The following ZBBX variants were observed in gnomAD, a reference collection of about 807,000 sequenced individuals.
ZBBX encodes the protein zinc finger B-box domain-containing protein 1.
Under a neutral mutation model 108.5 loss-of-function variants are expected in ZBBX, and 101 were observed. The ratio of observed to expected loss-of-function variants is 0.93; its 90% CI spans 0.79 to 1.10. ZBBX has a LOEUF of 1.10. Ranked by LOEUF, ZBBX falls within the 50% of genes least tolerant of loss-of-function variation. ZBBX has a pLI of 0.00. For synonymous variants in ZBBX, 356 were observed against 323.4 expected, an observed-to-expected ratio of 1.10 and a Z score of -1.08; for missense variants, 1,009 against 941.4, an observed-to-expected ratio of 1.07 and a Z score of -0.94.
Position 167,289,047 on chromosome 3 carries a change from T to C in ZBBX, c.1880-64A>G, listed in dbSNP as rs1437265665. 2.6e-6 allele frequency: 3 copies of C among 1,149,222 alleles called. No homozygotes were observed. In the African/African-American group the frequency reaches 4.6e-5, roughly 18 times the overall value. 71.2% of individuals were successfully genotyped at this position (1,149,222 alleles called of 1,614,324 possible). On this transcript the variant is annotated intron_variant, in intron 18 of 21. Transcript: ENST00000675490. ...AAGAAGAAAATCCATTTTATTAGTT[T>C]TATATTTATGTCTTACTGGACAATA...
intron 9 of ZBBX, among the ~76,000 whole-genome samples, chr3:167,339,794 T>C (rs762371176): frequency 6.6e-6 from 1 of 152,068 alleles, no homozygotes. Flanking sequence ...GCATTAGGTA[T>C]TTGTCCTAAT....
intron 11 of ZBBX, 46 bp from the exon 12 acceptor site, chr3:167,322,283 CA>C: frequency 7.1e-7 from 1 of 1,402,138 alleles, no homozygotes; most frequent in East Asian, 2.7e-5. Context: ...AGCAAGTTTA[CA>C]AATTACTATA....
chr3:167,266,896 T>C (rs936034581), intron 20 of ZBBX, among the ~76,000 whole-genome samples: 1 of 152,156 alleles, frequency 6.6e-6, no homozygotes, highest in African/African-American at 2.4e-5. Context: ...CGCCACCTCA[T>C]TGCAGTGGCT....
At chr3:167,187,438 T>A in the ZBBX span, among the ~76,000 whole-genome samples, 1 of 152,190 alleles carries the variant, frequency 6.6e-6, no homozygotes, top group South Asian at 2.1e-4. Flanking sequence ...GATAATAGCG[T>A]GTGCATCAGA....
the ZBBX span, among the ~76,000 whole-genome samples, chr3:167,199,173 G>T: frequency 6.6e-6 from 1 of 152,146 alleles, no homozygotes. Flanking sequence ...GGGCAACTGG[G>T]ACTCAATCCT....
At chr3:167,296,127 C>G (rs1450057514) in intron 18 of ZBBX, among the ~76,000 whole-genome samples, 18 of 151,724 alleles carry the variant, frequency 1.2e-4, no homozygotes. Flanking sequence ...TAATACACTA[C>G]ATTTATAGAA....
the ZBBX span, among the ~76,000 whole-genome samples, chr3:167,213,441 A>G: frequency 1.9e-3 from 296 of 152,292 alleles, 1 homozygote; most frequent in Admixed American, 3.7e-3. Flanking sequence ...TGAGGAAAGA[A>G]TCTCAGAATT....
upstream of ZBBX, among the ~76,000 whole-genome samples, chr3:167,383,051 A>G (rs904176609): frequency 3.9e-5 from 6 of 152,148 alleles, no homozygotes; most frequent in African/African-American, 1.4e-4. Context: ...ATTAAACTGT[A>G]TCACATGTAT....
intron 17 of ZBBX, among the ~76,000 whole-genome samples, chr3:167,300,334 A>G (rs1732421420): frequency 6.6e-6 from 1 of 152,120 alleles, no homozygotes; most frequent in Admixed American, 6.6e-5. Flanking sequence ...ACTGTCCAGG[A>G]CTACCTTTAG....
chr3:167,356,384 T>G (rs1416271729), intron 8 of ZBBX, among the ~76,000 whole-genome samples: 1 of 152,088 alleles, frequency 6.6e-6, no homozygotes, highest in Non-Finnish European at 1.5e-5. Flanking sequence ...CTTTATTAGA[T>G]GTGCAGCATT....
At chr3:167,306,477 T>G (rs1733667163) in intron 16 of ZBBX, among the ~76,000 whole-genome samples, 1 of 152,180 alleles carries the variant, frequency 6.6e-6, no homozygotes, top group Non-Finnish European at 1.5e-5. Context: ...AAGATTGTAT[T>G]AGTCATCTAC....
chr3:167,397,142 T>TAAAAAAAAAAAAAAAAAAAAAAAAAA lies in ZBBX; in HGVS notation c.-446+10583_-446+10584insTTTTTTTTTTTTTTTTTTTTTTTTTT, dbSNP rs61671930. Among the ~76,000 whole-genome samples the TAAAAAAAAAAAAAAAAAAAAAAAAAA allele has an allele frequency of 1.4e-3, 103 of 72,364 alleles. 12 individuals are homozygous for TAAAAAAAAAAAAAAAAAAAAAAAAAA. Among genetic ancestry groups the TAAAAAAAAAAAAAAAAAAAAAAAAAA allele is most frequent in the Non-Finnish European group, 1.9e-3 (70 of 37,580 alleles). The allele number at this position is 72,364 out of a possible 152,430, so 47.5% of individuals were successfully genotyped here. On this transcript the variant is annotated intron_variant, in intron 1 of 21. Transcript: ENST00000455345. ...GTCGTGAAGAAGAGGTTCTTGGTGG[T>TAAAAAAAAAAAAAAAAAAAAAAAAAA]AAAAAAAAAAAAAAAAAAAAAAAAT...
chr3:167,202,459 G>C, the ZBBX span, among the ~76,000 whole-genome samples: 12 of 151,240 alleles, frequency 7.9e-5, no homozygotes, highest in Admixed American at 8.0e-4. Flanking sequence ...ATCAAGTAAT[G>C]GTCTATGAAA....
chr3:167,363,513 C>T (rs1262270701), intron 6 of ZBBX, among the ~76,000 whole-genome samples: 2 of 152,012 alleles, frequency 1.3e-5, no homozygotes, highest in Admixed American at 1.3e-4. Flanking sequence ...GTCTCACACA[C>T]ACACAAAAAA....
chr3:167,222,977 G>T, the ZBBX span, among the ~76,000 whole-genome samples: 1 of 151,840 alleles, frequency 6.6e-6, no homozygotes, highest in Non-Finnish European at 1.5e-5. Context: ...AATAGTTGAG[G>T]TGATGGACAC....
intron 2 of ZBBX, among the ~76,000 whole-genome samples, chr3:167,374,235 G>A (rs1254612741): frequency 1.3e-5 from 2 of 151,954 alleles, no homozygotes; most frequent in South Asian, 2.1e-4. Flanking sequence ...AAATTTTAAT[G>A]ATACTCTTTG....
chr3:167,394,493 A>G (rs1748171579), intron 1 of ZBBX, among the ~76,000 whole-genome samples: 1 of 151,972 alleles, frequency 6.6e-6, no homozygotes, highest in Non-Finnish European at 1.5e-5. Context: ...TAGAGAGGTT[A>G]AGTAGAAAAT....
the ZBBX span, among the ~76,000 whole-genome samples, chr3:167,195,699 A>G: frequency 6.6e-6 from 1 of 152,196 alleles, no homozygotes; most frequent in Non-Finnish European, 1.5e-5. Context: ...TGCTGTTAAA[A>G]TTGAAGCCAA....
intron 20 of ZBBX, among the ~76,000 whole-genome samples, chr3:167,277,297 G>C (rs1727780070): frequency 6.6e-6 from 1 of 152,090 alleles, no homozygotes; most frequent in Non-Finnish European, 1.5e-5. Flanking sequence ...GACACACACA[G>C]ACTGGCAAAT....
Sources: gnomAD v4.1 joint callset for allele counts (sites outside exome capture counted in the v4.1 genomes callset) on GRCh38, gnomAD v4.1.1 for gene constraint, MANE v1.5 for transcripts, NCBI Gene and HGNC (gene_info 2026-07-23, HGNC 2026-07-21) for gene names.